The following CAB39L variants were observed in gnomAD, a reference collection of about 807,000 sequenced individuals.
The protein encoded by CAB39L is calcium binding protein 39 like.
In CAB39L, 23 loss-of-function variants were observed where a neutral mutation model predicts 39.1. The observed-to-expected ratio is 0.59, with a 90% CI of 0.42 to 0.83. The LOEUF (loss-of-function observed/expected upper bound fraction) is 0.83, where lower values mean the gene tolerates loss of function less well. Among genes scored for constraint, CAB39L ranks in the 40% least tolerant of loss-of-function variants. The pLI, the probability that CAB39L is intolerant of heterozygous loss-of-function variation, is 0.00. For synonymous variants in CAB39L, 126 were observed against 137.2 expected, an observed-to-expected ratio of 0.92 and a Z score of 0.57; for missense variants, 366 against 391.9, an observed-to-expected ratio of 0.93 and a Z score of 0.56.
chr13:49,358,782 C>T (rs1316547255), intron 6 of CAB39L, among the ~76,000 whole-genome samples: 1 of 152,104 alleles, frequency 6.6e-6, no homozygotes, highest in Non-Finnish European at 1.5e-5. Flanking sequence ...ACTGCTTGAA[C>T]CCAGGAGGCA....
intron 5 of CAB39L, among the ~76,000 whole-genome samples, chr13:49,360,038 C>T (rs1198547480): frequency 6.6e-6 from 1 of 152,126 alleles, no homozygotes. Flanking sequence ...CAGCTCCTTG[C>T]CACAGGATGT....
chr13:49,437,870 G>A (rs778278893), intron 1 of CAB39L, among the ~76,000 whole-genome samples: 1 of 152,276 alleles, frequency 6.6e-6, no homozygotes, highest in Admixed American at 6.5e-5. Flanking sequence ...GCCCAGGCTG[G>A]AGTGCAGTGG....
At chr13:49,370,125 C>T (rs9568190) in intron 5 of CAB39L, among the ~76,000 whole-genome samples, 10 of 151,708 alleles carry the variant, frequency 6.6e-5, no homozygotes, top group African/African-American at 1.7e-4. Context: ...AACAGTCTAC[C>T]GGGTGAGGGG....
chr13:49,371,185 C>T (rs1350774945), intron 5 of CAB39L, among the ~76,000 whole-genome samples: 11 of 112,610 alleles, frequency 9.8e-5, no homozygotes, highest in Non-Finnish European at 1.6e-4. Context: ...TTTTCTTTTT[C>T]TTTCTTTTTT....
At chr13:49,332,790 A>G (rs1349332648) in intron 9 of CAB39L, among the ~76,000 whole-genome samples, 1 of 151,836 alleles carries the variant, frequency 6.6e-6, no homozygotes, top group East Asian at 2.0e-4. Flanking sequence ...TGTTCTCACC[A>G]TAATTCTGGA....
In CAB39L at chr13:49,332,069, C is replaced by T. The variant is rs75421260; in HGVS notation, c.712G>A (p.Asp238Asn). 6.2e-7 allele frequency: 1 copy of T among 1,613,890 alleles called. No individual in the cohort carries two copies. Among genetic ancestry groups the T allele is most frequent in the African/African-American group, 1.3e-5 (1 of 75,022 alleles). ...GTCATGATGGCAAAGTTGTGACGGT[C>T]CAGGATCAGCTCCCCTAGCAGCTAG... Reference protein sequence around the residue: ...SLKLLGELILDRHNFAIMTKY... With the variant: ...SLKLLGELILNRHNFAIMTKY... The change falls in exon 10 of 11, where the codon GAC (aspartate) becomes AAC (asparagine). Residue 238 changes from aspartate (D) to asparagine (N), a missense_variant. Asp to Asn is a conservative substitution (Grantham distance 23, BLOSUM62 1). Transcript: ENST00000409308.
intron 10 of CAB39L, 126 bp downstream of exon 10, chr13:49,331,821 A>G (rs1191724854): frequency 1.1e-6 from 1 of 886,042 alleles, no homozygotes. Context: ...TAAATCATGC[A>G]AAACACAAAG....
intron 1 of CAB39L, among the ~76,000 whole-genome samples, chr13:49,434,951 T>A (rs998573112): frequency 2.0e-5 from 3 of 152,218 alleles, no homozygotes; most frequent in Non-Finnish European, 2.9e-5. Flanking sequence ...TTAATCCCAC[T>A]TTTGAATATG....
intron 7 of CAB39L, among the ~76,000 whole-genome samples, chr13:49,346,037 G>A (rs187351227): frequency 9.6e-4 from 110 of 114,200 alleles, no homozygotes; most frequent in African/African-American, 3.5e-3. Flanking sequence ...ACCATAATAG[G>A]GTGGGGTAGA....
intron 5 of CAB39L, among the ~76,000 whole-genome samples, chr13:49,375,484 G>C (rs553794488): frequency 1.3e-5 from 2 of 152,258 alleles, no homozygotes; most frequent in East Asian, 3.9e-4. Context: ...AAGATGGAGA[G>C]GGAGAGTAAG....
chr13:49,397,367 A>C (rs780639693), intron 3 of CAB39L, among the ~76,000 whole-genome samples: 1 of 152,166 alleles, frequency 6.6e-6, no homozygotes, highest in Non-Finnish European at 1.5e-5. Flanking sequence ...CAATTTACAC[A>C]GAAATGGAAA....
intron 3 of CAB39L, among the ~76,000 whole-genome samples, chr13:49,403,290 T>C (rs1956810984): frequency 6.6e-6 from 1 of 152,130 alleles, no homozygotes; most frequent in Non-Finnish European, 1.5e-5. Flanking sequence ...TTAAAGGTTG[T>C]TCTGGTCCCT....
Position 49,363,822 on chromosome 13 carries a change from C to CA in CAB39L, c.277-3991dup, listed in dbSNP as rs112015067. On this transcript the variant is annotated intron_variant, in intron 5 of 10. Coordinates refer to ENST00000409308, the MANE Select transcript of CAB39L (RefSeq NM_001079670.3). ...TGGATGACAGAGTGAGACCCTGTCT[C>CA]AAAAAAAAAAAAAAGAAAAGAAAAA... Among the ~76,000 whole-genome samples, 362 of 59,122 alleles carry CA rather than the reference C, an allele frequency of 6.1e-3. 2 individuals carry two copies. The highest frequency in any genetic ancestry group is 0.014 in the East Asian group (28 of 2,020). The allele number at this position is 59,122 out of a possible 152,430, so 38.8% of individuals were successfully genotyped here.
intron 3 of CAB39L, among the ~76,000 whole-genome samples, chr13:49,419,721 A>C (rs1344874265): frequency 6.6e-6 from 1 of 152,208 alleles, no homozygotes; most frequent in Non-Finnish European, 1.5e-5. Flanking sequence ...ATTTTAATCT[A>C]TTTGGTTCAT....
intron 4 of CAB39L, among the ~76,000 whole-genome samples, chr13:49,378,802 C>T (rs1594023058): frequency 6.4e-5 from 3 of 46,896 alleles, no homozygotes; most frequent in Non-Finnish European, 1.3e-4. Context: ...CCGCCCCGTC[C>T]GGGAGGTGAG....
Position 49,363,419 on chromosome 13 carries a change from T to G in CAB39L, c.277-3587A>C, listed in dbSNP as rs950814806. Among the ~76,000 whole-genome samples, 109 of 152,174 alleles carry G rather than the reference T, an allele frequency of 7.2e-4. 1 individual carries two copies. The highest frequency in any genetic ancestry group is 7.2e-4 in the Non-Finnish European group (49 of 68,020). On this transcript the variant is annotated intron_variant, in intron 5 of 10. Coordinates refer to ENST00000409308, the MANE Select transcript of CAB39L (RefSeq NM_001079670.3). ...ATTTCTTTATGTAATTAGTATTAAG[T>G]TGTCATCAATTTAAAACAATGGGCT...
At chr13:49,412,139 T>A (rs1033183590) in intron 3 of CAB39L, among the ~76,000 whole-genome samples, 1 of 152,204 alleles carries the variant, frequency 6.6e-6, no homozygotes, top group Non-Finnish European at 1.5e-5. Context: ...ATTGCTGTAC[T>A]ACAGTTTGTT....
At position 49,405,883 on chromosome 13, in the gene CAB39L, T is replaced by C. The variant is rs71434471; in HGVS notation, c.-31-22942A>G. Among the ~76,000 whole-genome samples, 924 of 152,060 alleles carry C rather than the reference T, an allele frequency of 6.1e-3. 6 individuals are homozygous for C. The highest frequency in any genetic ancestry group is 0.011 in the Non-Finnish European group (722 of 67,976). On this transcript the variant is annotated intron_variant, in intron 3 of 10. Coordinates refer to ENST00000409308, the MANE Select transcript of CAB39L (RefSeq NM_001079670.3). Reference sequence around the variant, plus strand: ...ACAACATGGATAGAACTGGAGGACATTATGTTAAGTGAAATAAGCCAGGCA... The same window carrying C: ...ACAACATGGATAGAACTGGAGGACACTATGTTAAGTGAAATAAGCCAGGCA...
chr13:49,313,810 G>A (rs927912696), intron 10 of CAB39L, among the ~76,000 whole-genome samples: 1 of 152,168 alleles, frequency 6.6e-6, no homozygotes, highest in Non-Finnish European at 1.5e-5. Context: ...CCATAGCTGT[G>A]CAGTGCCCAA....
Sources: gnomAD v4.1 joint callset for allele counts (sites outside exome capture counted in the v4.1 genomes callset) on GRCh38, gnomAD v4.1.1 for gene constraint, MANE v1.5 for transcripts, NCBI Gene and HGNC (gene_info 2026-07-23, HGNC 2026-07-21) for gene names.